Variants in RFX3 observed in about 807,000 individuals in gnomAD.
RFX3 encodes transcription factor RFX3.
Under a neutral mutation model 98.6 loss-of-function variants are expected in RFX3, and 14 were observed. That is an observed-to-expected ratio of 0.14 (90% CI 0.09 to 0.22). The LOEUF is 0.22. RFX3 is among the 10% of genes least tolerant of loss of function. RFX3 has a pLI of 1.00. For missense variants in RFX3, 639 were observed against 926.9 expected (o/e 0.69, Z 4.03); for synonymous variants, 383 against 328.4 (o/e 1.17, Z -1.80).
At position 3,505,167 on chromosome 9, in the gene RFX3, T is replaced by C. The variant is rs1353280605; in HGVS notation, c.-9+20580A>G. Among the ~76,000 whole-genome samples the C allele has an allele frequency of 7.1e-5, 7 of 99,124 alleles. No homozygotes were observed. The Admixed American group carries it at 9.1e-4, about 13-fold the overall frequency. The allele number at this position is 99,124 out of a possible 152,430, so 65.0% of individuals were successfully genotyped here. ...TTATATGAATATATGAAATATATTT[T>C]ATATTCATATAAATATATATATGAA... On this transcript the variant is annotated intron_variant, in intron 1 of 16. Coordinates refer to ENST00000617270, the MANE Select transcript of RFX3 (RefSeq NM_001282116.2).
chr9:3,361,353 G>A (rs1836408392), intron 2 of RFX3, among the ~76,000 whole-genome samples: 1 of 152,114 alleles, frequency 6.6e-6, no homozygotes, highest in East Asian at 1.9e-4. Flanking sequence ...AAGCAATTGA[G>A]GAAAGAGAAG....
At chr9:3,507,105 C>A (rs1219052774) in intron 1 of RFX3, among the ~76,000 whole-genome samples, 1 of 151,794 alleles carries the variant, frequency 6.6e-6, no homozygotes, top group African/African-American at 2.4e-5. Flanking sequence ...GAGTCTTCTG[C>A]CCTCAGTAAG....
intron 1 of RFX3, among the ~76,000 whole-genome samples, chr9:3,401,562 C>T (rs902061185): frequency 3.9e-5 from 6 of 152,184 alleles, no homozygotes; most frequent in Non-Finnish European, 8.8e-5. Context: ...AATGCCGTCA[C>T]ATTAATCCAT....
rs1223346818 is a variant in RFX3, at chr9:3,469,107, A to C, written c.-9+56640T>G. 9 of 435,640 alleles carry C rather than the reference A, an allele frequency of 2.1e-5. No homozygotes were observed. In the Admixed American group the frequency reaches 2.2e-4, roughly 11 times the overall value. 27.0% of individuals were successfully genotyped at this position (435,640 alleles called of 1,614,324 possible). On this transcript the variant is annotated intron_variant, in intron 1 of 16. Transcript: ENST00000617270. The stretch of plus-strand genomic sequence containing the variant: ...AAAGCCCAGACTATTGGTTACAATG[A>C]AACTATGTTACAGATGATCAAGGGA...
intron 3 of RFX3, among the ~76,000 whole-genome samples, chr9:3,338,769 C>T (rs991323975): frequency 6.6e-6 from 1 of 152,128 alleles, no homozygotes; most frequent in African/African-American, 2.4e-5. Context: ...CTGATTTTCA[C>T]AGGAACGAAA....
chr9:3,481,011 C>G (rs1369118103), intron 1 of RFX3, among the ~76,000 whole-genome samples: 1 of 152,066 alleles, frequency 6.6e-6, no homozygotes, highest in Non-Finnish European at 1.5e-5. Context: ...TATATAATAG[C>G]AAGCTAAAAT....
chr9:3,408,976 AT>A (rs1842231680), intron 1 of RFX3, among the ~76,000 whole-genome samples: 2 of 152,216 alleles, frequency 1.3e-5, no homozygotes, highest in East Asian at 3.8e-4. Context: ...AACCATTTAT[AT>A]TGTTAACAGC....
intron 1 of RFX3, among the ~76,000 whole-genome samples, chr9:3,459,135 G>C (rs1847462587): frequency 6.6e-6 from 1 of 152,032 alleles, no homozygotes; most frequent in Admixed American, 6.6e-5. Flanking sequence ...CCTATCACTT[G>C]AGAGATGAAT....
intron 1 of RFX3, among the ~76,000 whole-genome samples, chr9:3,491,836 A>G (rs1850743609): frequency 6.6e-6 from 1 of 152,166 alleles, no homozygotes; most frequent in Admixed American, 6.6e-5. Context: ...ATATTATTCA[A>G]TTATTCATTT....
At chr9:3,488,710 C>A (rs944004759) in intron 1 of RFX3, 1 of 867,864 alleles carries the variant, frequency 1.2e-6, no homozygotes, top group Non-Finnish European at 1.4e-6. Flanking sequence ...TCTCTTTCAA[C>A]CTTATATCCA....
chr9:3,247,537 CAT>C, intron 15 of RFX3: 1 of 989,686 alleles, frequency 1.0e-6, no homozygotes, highest in Non-Finnish European at 1.3e-6. Context: ...ATGTAAAAAA[CAT>C]AGAACTGTGC....
intron 4 of RFX3, among the ~76,000 whole-genome samples, chr9:3,316,887 G>A (rs189189533): frequency 2.0e-5 from 3 of 152,184 alleles, no homozygotes; most frequent in African/African-American, 7.2e-5. Flanking sequence ...ATAAATGGAA[G>A]AATATTCCAT....
At chr9:3,490,113 C>T (rs1202751800) in intron 1 of RFX3, among the ~76,000 whole-genome samples, 1 of 151,806 alleles carries the variant, frequency 6.6e-6, no homozygotes, top group African/African-American at 2.4e-5. Flanking sequence ...AGTTCTTCAC[C>T]ATATTAACTA....
Position 3,224,929 on chromosome 9 carries a change from G to C in RFX3, c.*113C>G, listed in dbSNP as rs1817600226. 4 of 1,084,022 alleles carry C rather than the reference G, an allele frequency of 3.7e-6. No homozygotes were observed. In the South Asian group the frequency reaches 5.9e-5, roughly 16 times the overall value. 67.2% of individuals were successfully genotyped at this position (1,084,022 alleles called of 1,614,324 possible). ...CATTTCACAACTCCAAAAAGTTAAT[G>C]TTCAGCACAGATAGAATTTGACAAC... On this transcript the variant is annotated 3_prime_UTR_variant, in exon 17 of 17. Transcript: ENST00000617270.
chr9:3,430,098 T>C (rs1413537623), intron 1 of RFX3, among the ~76,000 whole-genome samples: 2 of 152,228 alleles, frequency 1.3e-5, no homozygotes, highest in African/African-American at 4.8e-5. Flanking sequence ...AGAAATACTC[T>C]TTGTATTCAG....
In RFX3 at chr9:3,220,824, C is replaced by T. The variant is rs2130486460; in HGVS notation, c.*4218G>A. Reference sequence around the variant, plus strand: ...ACTAGAACTAAGCACTGAATTAATGCTTCTATTCCAGTTTTTAAAAATCAC... The same window carrying T: ...ACTAGAACTAAGCACTGAATTAATGTTTCTATTCCAGTTTTTAAAAATCAC... On this transcript the variant is annotated 3_prime_UTR_variant, in exon 17 of 17. Coordinates refer to ENST00000617270, the MANE Select transcript of RFX3 (RefSeq NM_001282116.2). The T allele has an allele frequency of 6.6e-6, 1 of 152,230 alleles. No homozygotes were observed. Among genetic ancestry groups the T allele is most frequent in the Admixed American group, 6.6e-5 (1 of 15,264 alleles). 9.4% of individuals were successfully genotyped at this position (152,230 alleles called of 1,614,324 possible).
chr9:3,260,692 T>C (rs1706399345), intron 13 of RFX3, among the ~76,000 whole-genome samples: 1 of 151,626 alleles, frequency 6.6e-6, no homozygotes, highest in African/African-American at 2.4e-5. Flanking sequence ...TTTAATACTC[T>C]TGCTTATTCA....
intron 2 of RFX3, among the ~76,000 whole-genome samples, chr9:3,370,497 A>T (rs910343516): frequency 6.6e-6 from 1 of 150,788 alleles, no homozygotes; most frequent in Non-Finnish European, 1.5e-5. Flanking sequence ...ACTATTAATT[A>T]TATATATATA....
chr9:3,269,473 T>C (rs889672319), intron 11 of RFX3, among the ~76,000 whole-genome samples: 2 of 152,136 alleles, frequency 1.3e-5, no homozygotes, highest in African/African-American at 4.8e-5. Context: ...TTTTACTTTA[T>C]TGATGTCAAT....
Sources: allele counts gnomAD v4.1 joint callset (sites outside exome capture counted in the v4.1 genomes callset), GRCh38; gene constraint gnomAD v4.1.1; transcripts MANE v1.5; gene names NCBI Gene and HGNC (gene_info 2026-07-23, HGNC 2026-07-21).